Variants in UNC5D observed in about 807,000 individuals in gnomAD.
UNC5D encodes the protein unc-5 netrin receptor D.
In UNC5D, 39 loss-of-function variants were observed where a neutral mutation model predicts 105.4. That is an observed-to-expected ratio of 0.37 (90% CI 0.29 to 0.48). The LOEUF is 0.48. Ranked by LOEUF, UNC5D falls within the 20% of genes least tolerant of loss-of-function variation. The pLI is 0.98. For missense variants in UNC5D, 991 were observed against 1,202.4 expected (o/e 0.82, Z 2.60); for synonymous variants, 452 against 450.4 (o/e 1.00, Z -0.04).
At chr8:35,478,744 T>C (rs1013175509) in intron 1 of UNC5D, among the ~76,000 whole-genome samples, 30 of 152,206 alleles carry the variant, frequency 2.0e-4, no homozygotes, top group African/African-American at 6.3e-4. Context: ...AAACATTCTA[T>C]GCTTTTTGAT....
intron 1 of UNC5D, among the ~76,000 whole-genome samples, chr8:35,327,645 G>A (rs1351895333): frequency 6.6e-6 from 1 of 152,150 alleles, no homozygotes; most frequent in African/African-American, 2.4e-5. Flanking sequence ...GGGGGATCTG[G>A]AAAGTTGATC....
At chr8:35,572,024 C>T (rs986171775) in intron 3 of UNC5D, among the ~76,000 whole-genome samples, 1 of 152,112 alleles carries the variant, frequency 6.6e-6, no homozygotes, top group African/African-American at 2.4e-5. Context: ...CAGTGGCTCA[C>T]GCCTGTAATC....
At chr8:35,615,189 T>A (rs1042745600) in intron 4 of UNC5D, among the ~76,000 whole-genome samples, 1 of 152,094 alleles carries the variant, frequency 6.6e-6, no homozygotes. Context: ...TAGCGAGGCA[T>A]GACTAGTCCA....
At chr8:35,505,691 G>A (rs1338702959) in intron 1 of UNC5D, among the ~76,000 whole-genome samples, 1 of 152,232 alleles carries the variant, frequency 6.6e-6, no homozygotes, top group Non-Finnish European at 1.5e-5. Flanking sequence ...AAAATTACCA[G>A]TATGTTTGAG....
chr8:35,705,556 A>T (rs184080044), intron 7 of UNC5D, among the ~76,000 whole-genome samples: 1 of 152,162 alleles, frequency 6.6e-6, no homozygotes, highest in South Asian at 2.1e-4. Context: ...TTTTTCTATC[A>T]TCTAGAGTGA....
intron 1 of UNC5D, among the ~76,000 whole-genome samples, chr8:35,282,710 C>CAAAA (rs200599461): frequency 0.015 from 2,091 of 135,914 alleles, 72 homozygotes; most frequent in Admixed American, 0.036. Flanking sequence ...TATTAAAAGA[C>CAAAA]AAAAAAAAAA....
chr8:35,649,685 A>G (rs1236890115), intron 4 of UNC5D, among the ~76,000 whole-genome samples: 3 of 152,166 alleles, frequency 2.0e-5, no homozygotes, highest in African/African-American at 7.2e-5. Context: ...CCCTGATACA[A>G]TAGGACATGA....
At chr8:35,277,399 G>T (rs900009890) in intron 1 of UNC5D, among the ~76,000 whole-genome samples, 37 of 152,228 alleles carry the variant, frequency 2.4e-4, no homozygotes, top group Non-Finnish European at 4.7e-4. Flanking sequence ...GAGAGTTTTT[G>T]ATTACATTTC....
intron 1 of UNC5D, among the ~76,000 whole-genome samples, chr8:35,397,521 T>A (rs1804184001): frequency 6.6e-6 from 1 of 152,210 alleles, no homozygotes; most frequent in South Asian, 2.1e-4. Flanking sequence ...GCCGGAAGTG[T>A]AATTACACAC....
chr8:35,496,111 T>A (rs1811575785), intron 1 of UNC5D, among the ~76,000 whole-genome samples: 1 of 152,176 alleles, frequency 6.6e-6, no homozygotes, highest in South Asian at 2.1e-4. Flanking sequence ...GAGGGTTCAG[T>A]CTAAACTGCT....
intron 1 of UNC5D, among the ~76,000 whole-genome samples, chr8:35,353,965 T>C (rs1040624891): frequency 6.6e-6 from 1 of 152,122 alleles, no homozygotes; most frequent in Non-Finnish European, 1.5e-5. Context: ...CACTGCATAC[T>C]CTTTACAAAG....
At chr8:35,281,722 A>C (rs1346375611) in intron 1 of UNC5D, among the ~76,000 whole-genome samples, 1 of 152,200 alleles carries the variant, frequency 6.6e-6, no homozygotes, top group East Asian at 1.9e-4. Context: ...GCTGAGGTCT[A>C]GGACAGCCCC....
intron 1 of UNC5D, among the ~76,000 whole-genome samples, chr8:35,258,609 TTAAAA>T (rs1261273557): frequency 6.6e-6 from 1 of 152,046 alleles, no homozygotes; most frequent in Non-Finnish European, 1.5e-5. Context: ...TGCAAAGTAT[TTAAAA>T]TATTTATAAT....
intron 4 of UNC5D, among the ~76,000 whole-genome samples, chr8:35,672,998 G>A (rs1476730227): frequency 6.6e-6 from 1 of 152,166 alleles, no homozygotes; most frequent in African/African-American, 2.4e-5. Context: ...ATTTCATTCA[G>A]CATCAGTGAG....
At position 35,795,740 on chromosome 8, in the gene UNC5D, A is replaced by G. The variant is rs1803229808; in HGVS notation, c.*5177A>G. 6.6e-6 allele frequency: 1 copy of G among 152,202 alleles called. No homozygotes were observed. Among genetic ancestry groups the G allele is most frequent in the African/African-American group, 2.4e-5 (1 of 41,454 alleles). 9.4% of individuals were successfully genotyped at this position (152,202 alleles called of 1,614,324 possible). A position where few individuals can be genotyped will look rare whatever the true frequency, so the allele number is the denominator to read the frequency against. The stretch of plus-strand genomic sequence containing the variant: ...GGTCACTACCATTCAAAACTTTTCT[A>G]TACAAAGGTGGAAAAGCACTCAGAA... On this transcript the variant is annotated 3_prime_UTR_variant, in exon 17 of 17. Transcript: ENST00000404895.
At chr8:35,602,908 G>A (rs867391162) in intron 4 of UNC5D, among the ~76,000 whole-genome samples, 12 of 124,432 alleles carry the variant, frequency 9.6e-5, no homozygotes, top group African/African-American at 2.9e-4. Context: ...AGAGTGGGAC[G>A]TTCCCCTTCC....
intron 1 of UNC5D, among the ~76,000 whole-genome samples, chr8:35,443,492 A>G (rs1585856078): frequency 2.0e-5 from 3 of 151,888 alleles, no homozygotes; most frequent in African/African-American, 7.2e-5. Context: ...TTATGGCATC[A>G]TCTTCTGCTG....
At chr8:35,566,867 G>A (rs1198362812) in intron 2 of UNC5D, among the ~76,000 whole-genome samples, 3 of 152,146 alleles carry the variant, frequency 2.0e-5, no homozygotes, top group Non-Finnish European at 2.9e-5. Flanking sequence ...TGAAGAGGAC[G>A]TGCTGGCTGT....
chr8:35,287,268 G>C (rs372266150), intron 1 of UNC5D, among the ~76,000 whole-genome samples: 1 of 152,124 alleles, frequency 6.6e-6, no homozygotes, highest in Non-Finnish European at 1.5e-5. Flanking sequence ...TTGTGTAATA[G>C]ACCCAGAATA....
Sources: allele counts gnomAD v4.1 joint callset (sites outside exome capture counted in the v4.1 genomes callset), GRCh38; gene constraint gnomAD v4.1.1; transcripts MANE v1.5; gene names NCBI Gene and HGNC (gene_info 2026-07-23, HGNC 2026-07-21).